Variants in ERBB2 observed in about 807,000 individuals in gnomAD.
ERBB2 encodes erb-b2 receptor tyrosine kinase 2.
ERBB2 carries 61 observed loss-of-function variants against 149.0 expected under a neutral mutation model. The ratio of observed to expected loss-of-function variants is 0.41; its 90% CI spans 0.33 to 0.51. The LOEUF is 0.51. Among genes scored for constraint, ERBB2 ranks in the 20% least tolerant of loss-of-function variants. The probability of loss-of-function intolerance (pLI) is 0.25; values close to 1 mark genes in which losing one functional copy is unlikely to be tolerated. For missense variants in ERBB2, 1,205 were observed against 1,655.1 expected, an observed-to-expected ratio of 0.73 and a Z score of 4.72; for synonymous variants, 633 against 678.8, an observed-to-expected ratio of 0.93 and a Z score of 1.05.
At chr17:39,689,071 T>C (rs2057633260) in intron 2 of ERBB2, among the ~76,000 whole-genome samples, 1 of 152,076 alleles carries the variant, frequency 6.6e-6, no homozygotes, top group South Asian at 2.1e-4. Flanking sequence ...CCCTTTCTCC[T>C]CCCCCACTCT....
chr17:39,711,589 G>A (rs764189600), intron 7 of ERBB2, among the ~76,000 whole-genome samples: 2 of 152,218 alleles, frequency 1.3e-5, no homozygotes, highest in Non-Finnish European at 2.9e-5. Flanking sequence ...ACAGGAACAG[G>A]AGTGGGCCTT....
Position 39,710,117 on chromosome 17 carries a change from C to G in ERBB2, c.675C>G (p.Ala225=), listed in dbSNP as rs140636713. Residue 225 remains alanine (A), a synonymous_variant, in exon 6 of 27, where the codon GCC becomes GCG. Coordinates refer to ENST00000269571, the MANE Select transcript of ERBB2 (RefSeq NM_004448.4). ...GCACTGTCTGTGCCGGTGGCTGTGC[C>G]CGCTGCAAGGGGCCACTGCCCACTG... is the stretch of plus-strand genomic sequence containing the variant. ...LTRTVCAGGC[A]RCKGPLPTDC... is the part of the protein sequence containing the mutation. The G allele has an allele frequency of 6.4e-5, 103 of 1,610,284 alleles. No individual in the cohort carries two copies. In the Middle Eastern group the frequency reaches 8.4e-4, roughly 13 times the overall value.
intron 1 of ERBB2, among the ~76,000 whole-genome samples, chr17:39,702,624 C>T (rs749083165): frequency 2.6e-5 from 4 of 152,120 alleles, no homozygotes; most frequent in Non-Finnish European, 5.9e-5. Context: ...AGAAAAAATA[C>T]GTGGCATTCC....
At chr17:39,710,550 A>G (rs1356228168) in intron 7 of ERBB2, 69 bp downstream of exon 7, 1 of 1,557,158 alleles carries the variant, frequency 6.4e-7, no homozygotes, top group Non-Finnish European at 8.8e-7. Context: ...ATGGGAGCAT[A>G]TGGGGAGCAC....
intron 9 of ERBB2, among the ~76,000 whole-genome samples, chr17:39,712,979 C>T (rs1424923737): frequency 6.6e-6 from 1 of 151,978 alleles, no homozygotes; most frequent in Non-Finnish European, 1.5e-5. Context: ...GGTGGTTGCC[C>T]CAGGGTGGGG....
chr17:39,708,278 G>C, intron 2 of ERBB2, 43 bp from the exon 3 acceptor site: 1 of 1,532,570 alleles, frequency 6.5e-7, no homozygotes, highest in South Asian at 1.1e-5. Flanking sequence ...CCTGGGGGGT[G>C]GCAGTGTTCC....
At chr17:39,708,914 T>C (rs2058627937) in intron 3 of ERBB2, among the ~76,000 whole-genome samples, 1 of 152,010 alleles carries the variant, frequency 6.6e-6, no homozygotes, top group African/African-American at 2.4e-5. Flanking sequence ...CAGGAAAAAA[T>C]CAGTGTTATT....
rs75938017 is a variant in ERBB2, at chr17:39,723,688, C to G, written c.2208+28C>G. ...CAGGGCCAGGTCCTGGGGTGGGCGG[C>G]CCCAGAGGATGGGGGCGGTGCCTGG... On this transcript the variant is annotated intron_variant, in intron 18 of 26. Transcript: ENST00000269571. The surrounding 1 kb of genome is among the most constrained non-coding windows in gnomAD (Gnocchi z 6.2). 1.9e-6 allele frequency: 3 copies of G among 1,590,364 alleles called. No individual in the cohort carries two copies. Among genetic ancestry groups the G allele is most frequent in the Non-Finnish European group, 2.6e-6 (3 of 1,168,462 alleles).
In ERBB2 at chr17:39,724,067, T is replaced by G. The variant is rs4252646; in HGVS notation, c.2307+57T>G. The G allele has an allele frequency of 4.7e-4, 590 of 1,253,156 alleles. 5 individuals are homozygous for G. The Admixed American group carries it at 7.1e-3, about 15-fold the overall frequency. 77.6% of individuals were successfully genotyped at this position (1,253,156 alleles called of 1,614,324 possible). A position where few individuals can be genotyped will look rare whatever the true frequency, so the allele number is the denominator to read the frequency against. The stretch of plus-strand genomic sequence containing the variant: ...ACAGGAAGGACCCCATGGCTGCAGG[T>G]CTGGGCTCTGGTCTCTCTTCATTGG... On this transcript the variant is annotated intron_variant, in intron 19 of 26. Coordinates refer to ENST00000269571, the MANE Select transcript of ERBB2 (RefSeq NM_004448.4).
At position 39,725,518 on chromosome 17, in the gene ERBB2, C is replaced by T; in HGVS notation, c.2725+116C>T. The T allele has an allele frequency of 8.0e-7, 1 of 1,254,764 alleles. No homozygotes were observed. The highest frequency in any genetic ancestry group is 1.1e-6 in the Non-Finnish European group (1 of 878,706). The allele number at this position is 1,254,764 out of a possible 1,614,324, so 77.7% of individuals were successfully genotyped here. ...TCAGCATGTGAAGGGAGGGAAGGGG[C>T]TGCCTGTGCCCCACCTTGCAGGGTC... On this transcript the variant is annotated intron_variant, in intron 22 of 26. Transcript: ENST00000269571. This position sits in a 1 kb window ranked among gnomAD's most constrained non-coding sequence, Gnocchi z 4.6.
Position 39,728,117 on chromosome 17 carries a change from CA to C in ERBB2, c.*75del, listed in dbSNP as rs4252659. ...GGGAAGGCCTGACTTCTGCTGGCAT[CA>C]AGAGGTGGGAGGGCCCTCCGACCAC... On this transcript the variant is annotated 3_prime_UTR_variant, in exon 27 of 27. Coordinates refer to ENST00000269571, the MANE Select transcript of ERBB2 (RefSeq NM_004448.4). 2.0e-3 allele frequency: 2,289 copies of C among 1,155,630 alleles called. 23 individuals are homozygous for C. In the African/African-American group the frequency reaches 0.026, roughly 13 times the overall value. 71.6% of individuals were successfully genotyped at this position (1,155,630 alleles called of 1,614,324 possible).
rs1472927386 is a variant in ERBB2, at chr17:39,726,787, C to T, written c.2971-28C>T. On this transcript the variant is annotated intron_variant, in intron 24 of 26. Transcript: ENST00000269571. This position sits in a 1 kb window ranked among gnomAD's most constrained non-coding sequence, Gnocchi z 5.1. ...GCTGCATGCTGGGCTGGGGAGGGGCCACCATCCTGCCTCTCCTTCCTCCAC... is the reference window on the plus strand; with the variant it reads ...GCTGCATGCTGGGCTGGGGAGGGGCTACCATCCTGCCTCTCCTTCCTCCAC... The T allele has an allele frequency of 1.9e-6, 3 of 1,604,312 alleles. No individual in the cohort carries two copies. In the South Asian group the frequency reaches 3.3e-5, roughly 18 times the overall value.
chr17:39,703,006 T>C (rs1296426726), intron 1 of ERBB2, among the ~76,000 whole-genome samples: 1 of 152,242 alleles, frequency 6.6e-6, no homozygotes, highest in Non-Finnish European at 1.5e-5. Flanking sequence ...GCGCTCCTCT[T>C]GTTCAGGCGA....
At chr17:39,689,693 G>T (rs1381307095) in intron 2 of ERBB2, among the ~76,000 whole-genome samples, 1 of 152,050 alleles carries the variant, frequency 6.6e-6, no homozygotes, top group Non-Finnish European at 1.5e-5. Flanking sequence ...ATCACCTGAG[G>T]TTAGGAGTTT....
rs2145523961 is a variant in ERBB2, at chr17:39,710,455, G to A, written c.875G>A (p.Gly292Asp). ...AATCCCGAGGGCCGGTATACATTCGGCGCCAGCTGTGTGACTGCCTGTCCC... is the reference window on the plus strand; with the variant it reads ...AATCCCGAGGGCCGGTATACATTCGACGCCAGCTGTGTGACTGCCTGTCCC... Reference protein sequence around the residue: ...MPNPEGRYTFGASCVTACPYN... With the variant: ...MPNPEGRYTFDASCVTACPYN... Residue 292 changes from glycine (G) to aspartate (D), a missense_variant, in exon 7 of 27, where the codon GGC (glycine) becomes GAC (aspartate). Around this residue, in one of 6 missense-constraint regions of ERBB2, gnomAD observed 569 missense variants for 803.5 expected, o/e 0.71. Transcript: ENST00000269571. The A allele has an allele frequency of 6.2e-7, 1 of 1,613,994 alleles. No homozygotes were observed. The highest frequency in any genetic ancestry group is 8.5e-7 in the Non-Finnish European group (1 of 1,180,038).
intron 11 of ERBB2, 70 bp from the exon 12 acceptor site, chr17:39,715,670 G>A (rs2145646388): frequency 1.3e-6 from 2 of 1,575,480 alleles, no homozygotes; most frequent in Non-Finnish European, 1.7e-6. Context: ...GCTGGGGATG[G>A]AGGAAGATGA....
rs148211805 is a variant in ERBB2 at position 39,727,510 on chromosome 17, T to A, written c.3375T>A (p.Asp1125Glu). The A allele has an allele frequency of 3.5e-4, 559 of 1,607,566 alleles. 1 individual carries two copies. The highest frequency in any genetic ancestry group is 4.4e-4 in the Non-Finnish European group (522 of 1,178,168). The part of the protein sequence containing the change: ...DPTVPLPSET[D>E]GYVAPLTCSP... Reference sequence around the variant, plus strand: ...CAGTACCCCTGCCCTCTGAGACTGATGGCTACGTTGCCCCCCTGACCTGCA... The same window carrying A: ...CAGTACCCCTGCCCTCTGAGACTGAAGGCTACGTTGCCCCCCTGACCTGCA... Residue 1125 changes from aspartate to glutamate, a missense_variant, in exon 26 of 27, where the codon GAT (aspartate) becomes GAA (glutamate). By Grantham distance (45) the Asp-to-Glu change is conservative. This residue lies in a region of ERBB2 where 312 missense variants were observed against 343.8 expected (regional missense o/e 0.91). Transcript: ENST00000269571. The surrounding 1 kb of genome is among the most constrained non-coding windows in gnomAD (Gnocchi z 4.3).
chr17:39,690,846 A>G (rs1458129669), upstream of ERBB2, among the ~76,000 whole-genome samples: 1 of 152,154 alleles, frequency 6.6e-6, no homozygotes, highest in Non-Finnish European at 1.5e-5. Context: ...AAAAAGACAA[A>G]GCATATGTTA....
chr17:39,702,381 G>A (rs1359696533), intron 1 of ERBB2, among the ~76,000 whole-genome samples: 1 of 152,228 alleles, frequency 6.6e-6, no homozygotes, highest in Non-Finnish European at 1.5e-5. Context: ...TGTGGGGGAA[G>A]GGGAGGCCTA....
Sources: allele counts gnomAD v4.1 joint callset (sites outside exome capture counted in the v4.1 genomes callset), GRCh38; gene constraint gnomAD v4.1.1; regional missense constraint gnomAD v4.1.1; non-coding constraint Gnocchi (gnomAD v3.1); transcripts MANE v1.5; gene names NCBI Gene and HGNC (gene_info 2026-07-23, HGNC 2026-07-21).